The following XKR4 variants were observed in gnomAD, a reference collection of about 807,000 sequenced individuals.
The protein encoded by XKR4 is XK related 4, also known as XK-related protein 4.
In XKR4, 12 loss-of-function variants were observed where a neutral mutation model predicts 53.9. That is an observed-to-expected ratio of 0.22 (90% CI 0.14 to 0.36). The LOEUF (loss-of-function observed/expected upper bound fraction) is 0.36. Among genes scored for constraint, XKR4 ranks in the 10% least tolerant of loss-of-function variants. The pLI is 1.00. For synonymous variants in XKR4, 354 were observed against 362.4 expected, an observed-to-expected ratio of 0.98 and a Z score of 0.26; for missense variants, 799 against 859.5, an observed-to-expected ratio of 0.93 and a Z score of 0.88.
In XKR4 at chr8:55,505,805, C is replaced by T. The variant is rs531379650; in HGVS notation, c.1007-17476C>T. Among the ~76,000 whole-genome samples, 19 of 152,266 alleles carry T rather than the reference C, an allele frequency of 1.2e-4. 2 individuals are homozygous for T. The South Asian group carries it at 3.9e-3, about 32-fold the overall frequency. On this transcript the variant is annotated intron_variant, in intron 2 of 2. Coordinates refer to ENST00000327381, the MANE Select transcript of XKR4 (RefSeq NM_052898.2). ...ATTTTCTGCTGAAGTCCTCTATTTCCTTATTAATCTTCTTTTTGGTTGAAC... is the reference window on the plus strand; with the variant it reads ...ATTTTCTGCTGAAGTCCTCTATTTCTTTATTAATCTTCTTTTTGGTTGAAC...
chr8:55,218,842 A>T (rs2129364991), intron 1 of XKR4, among the ~76,000 whole-genome samples: 1 of 152,316 alleles, frequency 6.6e-6, no homozygotes, highest in Non-Finnish European at 1.5e-5. Flanking sequence ...TCTGCTCAGA[A>T]TCATTACTCG....
chr8:55,250,506 G>T (rs1040074127), intron 1 of XKR4, among the ~76,000 whole-genome samples: 1 of 152,162 alleles, frequency 6.6e-6, no homozygotes, highest in Non-Finnish European at 1.5e-5. Context: ...TAAGGGAGCT[G>T]GCTGTGTTCC....
intron 2 of XKR4, among the ~76,000 whole-genome samples, chr8:55,389,469 A>T (rs1180867747): frequency 1.3e-5 from 2 of 152,254 alleles, no homozygotes; most frequent in South Asian, 4.1e-4. Flanking sequence ...TGAAGACTAC[A>T]TACTGGCTAA....
chr8:55,244,315 G>A, intron 1 of XKR4, among the ~76,000 whole-genome samples: 1 of 152,196 alleles, frequency 6.6e-6, no homozygotes, highest in East Asian at 1.9e-4. Flanking sequence ...AGAACATGTG[G>A]TATTTGGTTT....
intron 1 of XKR4, among the ~76,000 whole-genome samples, chr8:55,307,684 TA>T (rs985025138): frequency 1.3e-5 from 2 of 151,952 alleles, no homozygotes; most frequent in Admixed American, 1.3e-4. Context: ...AGATGGGTAG[TA>T]AGCTCATGAA....
intron 2 of XKR4, among the ~76,000 whole-genome samples, chr8:55,384,974 C>G (rs1210102923): frequency 6.6e-6 from 1 of 152,164 alleles, no homozygotes; most frequent in African/African-American, 2.4e-5. Context: ...AACTAGTGAC[C>G]ATTCTTTTGA....
Position 55,451,446 on chromosome 8 carries a change from C to T in XKR4, c.1007-71835C>T, listed in dbSNP as rs894686964. 42 of 1,229,828 alleles carry T rather than the reference C, an allele frequency of 3.4e-5. 1 individual carries two copies. The highest frequency in any genetic ancestry group is 4.8e-5 in the Non-Finnish European group (41 of 858,070). 76.2% of individuals were successfully genotyped at this position (1,229,828 alleles called of 1,614,324 possible). The stretch of plus-strand genomic sequence containing the variant: ...GGGGCATGGAGCTGACAACAGCCTG[C>T]AGGTACTTCTCCTGCTCCAGGCTAC... On this transcript the variant is annotated intron_variant, in intron 2 of 2. Coordinates refer to ENST00000327381, the MANE Select transcript of XKR4 (RefSeq NM_052898.2).
At chr8:55,455,483 G>T (rs977905391) in intron 2 of XKR4, among the ~76,000 whole-genome samples, 2 of 152,174 alleles carry the variant, frequency 1.3e-5, no homozygotes, top group Non-Finnish European at 2.9e-5. Context: ...TGGTGCTAGA[G>T]GGGGCTGGCT....
At chr8:55,357,943 G>A (rs1347154598) in intron 2 of XKR4, 66 bp downstream of exon 2, 38 of 1,509,500 alleles carry the variant, frequency 2.5e-5, no homozygotes, top group East Asian at 4.8e-5. Context: ...GTCACAATCC[G>A]AGGAACTGTC....
At chr8:55,411,483 G>A (rs952112089) in intron 2 of XKR4, among the ~76,000 whole-genome samples, 6 of 152,232 alleles carry the variant, frequency 3.9e-5, no homozygotes, top group African/African-American at 1.4e-4. Flanking sequence ...CCAAGAAAAG[G>A]TGGTCAAATC....
At chr8:55,313,545 A>G (rs2129378562) in intron 1 of XKR4, among the ~76,000 whole-genome samples, 1 of 152,250 alleles carries the variant, frequency 6.6e-6, no homozygotes, top group Non-Finnish European at 1.5e-5. Flanking sequence ...GCTGAGAGAG[A>G]GAGCAGGGTA....
At chr8:55,171,675 G>A (rs184861928) in intron 1 of XKR4, among the ~76,000 whole-genome samples, 1 of 152,076 alleles carries the variant, frequency 6.6e-6, no homozygotes, top group African/African-American at 2.4e-5. Context: ...ATCTCTGTTG[G>A]GCAGCCTGCC....
chr8:55,423,231 G>A (rs1804963821), intron 2 of XKR4, among the ~76,000 whole-genome samples: 1 of 152,046 alleles, frequency 6.6e-6, no homozygotes, highest in African/African-American at 2.4e-5. Flanking sequence ...GAGTAGATAG[G>A]ATTACAGGCG....
chr8:55,478,988 C>A (rs1806053780), intron 2 of XKR4, among the ~76,000 whole-genome samples: 1 of 152,148 alleles, frequency 6.6e-6, no homozygotes, highest in East Asian at 1.9e-4. Context: ...TTAGACAGAT[C>A]AACTAAACAG....
intron 1 of XKR4, among the ~76,000 whole-genome samples, chr8:55,200,699 A>T (rs2129362196): frequency 6.6e-6 from 1 of 152,334 alleles, no homozygotes; most frequent in Non-Finnish European, 1.5e-5. Context: ...ACTGTTACAA[A>T]AAGAAAGCCT....
chr8:55,233,129 A>AG (rs1818067421), intron 1 of XKR4, among the ~76,000 whole-genome samples: 1 of 152,210 alleles, frequency 6.6e-6, no homozygotes, highest in East Asian at 1.9e-4. Context: ...AAAGTCACTC[A>AG]ATTGAAAGGG....
At chr8:55,277,017 T>C (rs1028132838) in intron 1 of XKR4, among the ~76,000 whole-genome samples, 1 of 152,210 alleles carries the variant, frequency 6.6e-6, no homozygotes, top group Non-Finnish European at 1.5e-5. Flanking sequence ...TCAGCTGTGT[T>C]TGTGTATAGC....
intron 2 of XKR4, among the ~76,000 whole-genome samples, chr8:55,477,698 G>C (rs182566018): frequency 7.7e-6 from 1 of 129,682 alleles, no homozygotes; most frequent in Non-Finnish European, 1.6e-5. Context: ...AACCAACGCA[G>C]AGAGTCCTTA....
In XKR4 at chr8:55,102,931, C is replaced by A. The variant is rs542257691; in HGVS notation, c.443C>A (p.Thr148Lys). 6.2e-7 allele frequency: 1 copy of A among 1,611,700 alleles called. No homozygotes were observed. Among genetic ancestry groups the A allele is most frequent in the East Asian group, 2.2e-5 (1 of 44,884 alleles). ...LRGQRWWFGLTLFFVVLGSLS... is the reference protein window; with the variant it reads ...LRGQRWWFGLKLFFVVLGSLS... Reference sequence around the variant, plus strand: ...GGCCAGCGCTGGTGGTTCGGGCTCACGCTCTTCTTCGTGGTGCTCGGCTCT... The same window carrying A: ...GGCCAGCGCTGGTGGTTCGGGCTCAAGCTCTTCTTCGTGGTGCTCGGCTCT... Residue 148 changes from threonine (T) to lysine (K), a missense_variant, in exon 1 of 3, where the codon ACG (threonine) becomes AAG (lysine). By Grantham distance (78) the Thr-to-Lys change is moderately conservative. Coordinates refer to ENST00000327381, the MANE Select transcript of XKR4 (RefSeq NM_052898.2). The surrounding 1 kb of genome is among the most constrained non-coding windows in gnomAD (Gnocchi z 5.1).
Sources: gnomAD v4.1 joint callset for allele counts (sites outside exome capture counted in the v4.1 genomes callset) on GRCh38, gnomAD v4.1.1 for gene constraint, Gnocchi (gnomAD v3.1) non-coding constraint, MANE v1.5 for transcripts, NCBI Gene and HGNC (gene_info 2026-07-23, HGNC 2026-07-21) for gene names.